COL13A1: variants seen among roughly 807,000 people sequenced by gnomAD.
The protein encoded by COL13A1 is collagen type XIII alpha 1 chain, also known as collagen alpha-1(XIII) chain.
A neutral mutation model predicts 130.9 loss-of-function variants in COL13A1; 89 were observed. The ratio of observed to expected loss-of-function variants is 0.68; its 90% CI spans 0.57 to 0.81. The LOEUF is 0.81. Ranked by LOEUF, COL13A1 falls within the 30% of genes least tolerant of loss-of-function variation. COL13A1 has a pLI of 0.00. For synonymous variants in COL13A1, 402 were observed against 341.6 expected (o/e 1.18, Z -1.95); for missense variants, 879 against 934.6 (o/e 0.94, Z 0.78).
intron 2 of COL13A1, among the ~76,000 whole-genome samples, chr10:69,839,193 C>T (rs1053587079): frequency 3.3e-5 from 5 of 152,162 alleles, no homozygotes; most frequent in Non-Finnish European, 5.9e-5. Context: ...TTCGTTCGTT[C>T]GTTCAACAAA....
chr10:69,888,274 AG>A, intron 8 of COL13A1, 29 bp from the exon 9 acceptor site: 1 of 1,612,018 alleles, frequency 6.2e-7, no homozygotes, highest in Non-Finnish European at 8.5e-7. Context: ...TGTGATGCTC[AG>A]TCTTTACATC....
chr10:69,915,670 CT>C (rs2063843330), intron 17 of COL13A1, among the ~76,000 whole-genome samples: 1 of 152,340 alleles, frequency 6.6e-6, no homozygotes, highest in Admixed American at 6.5e-5. Flanking sequence ...GGCAGAGCCC[CT>C]CTCTACTCAG....
chr10:69,843,364 G>C (rs1322334376), intron 2 of COL13A1, among the ~76,000 whole-genome samples: 3 of 152,196 alleles, frequency 2.0e-5, no homozygotes, highest in African/African-American at 7.2e-5. Flanking sequence ...TCACTTGTCA[G>C]CTGTGGCCTC....
chr10:69,927,016 C>G (rs1565088354), intron 26 of COL13A1, 71 bp from the exon 27 acceptor site: 1 of 1,605,280 alleles, frequency 6.2e-7, no homozygotes, highest in Non-Finnish European at 8.5e-7. Context: ...GTTTCCATGA[C>G]TGTGCAGTGA....
At chr10:69,894,531 G>A in intron 10 of COL13A1, 21 bp from the exon 11 acceptor site, 1 of 1,613,672 alleles carries the variant, frequency 6.2e-7, no homozygotes, top group Admixed American at 1.7e-5. Context: ...CCACTGACCT[G>A]TGTGTGTTTG....
intron 32 of COL13A1, among the ~76,000 whole-genome samples, chr10:69,935,994 A>G (rs2066784069): frequency 1.5e-5 from 2 of 134,696 alleles, no homozygotes. Flanking sequence ...CTGGGCAACC[A>G]GAGTGAGACC....
intron 1 of COL13A1, among the ~76,000 whole-genome samples, chr10:69,810,346 ATG>A (rs778597781): frequency 0.064 from 4,569 of 70,850 alleles, 99 homozygotes; most frequent in Non-Finnish European, 0.09. Flanking sequence ...GGCCCTGAGA[ATG>A]AGAGAGAGAG....
intron 13 of COL13A1, 110 bp downstream of exon 13, chr10:69,895,686 A>T (rs2061564221): frequency 1.6e-6 from 2 of 1,261,562 alleles, no homozygotes; most frequent in East Asian, 2.3e-5. Context: ...ATCATGGGGG[A>T]GCAGGAGCAC....
At chr10:69,910,504 C>G (rs1589452571) in intron 17 of COL13A1, among the ~76,000 whole-genome samples, 1 of 152,196 alleles carries the variant, frequency 6.6e-6, no homozygotes, top group East Asian at 1.9e-4. Flanking sequence ...CCACCCCCAG[C>G]AGCTGGACTG....
chr10:69,939,413 G>T (rs1393332625), intron 34 of COL13A1, among the ~76,000 whole-genome samples: 1 of 152,222 alleles, frequency 6.6e-6, no homozygotes, highest in African/African-American at 2.4e-5. Context: ...TAAAAAATAT[G>T]TCAGTGGCCC....
chr10:69,831,426 TG>T (rs1848796162), intron 2 of COL13A1, among the ~76,000 whole-genome samples: 1 of 152,158 alleles, frequency 6.6e-6, no homozygotes, highest in Admixed American at 6.5e-5. Context: ...CAGACACAGC[TG>T]GGGGCCCTTT....
intron 2 of COL13A1, among the ~76,000 whole-genome samples, chr10:69,828,792 C>T (rs528358717): frequency 2.6e-5 from 4 of 152,166 alleles, no homozygotes; most frequent in African/African-American, 7.2e-5. Flanking sequence ...GCAAAACCAC[C>T]CACTGGGACA....
intron 6 of COL13A1, among the ~76,000 whole-genome samples, chr10:69,878,326 G>A (rs1027925380): frequency 2.0e-5 from 3 of 152,184 alleles, no homozygotes; most frequent in African/African-American, 7.2e-5. Context: ...GACAGCATGA[G>A]GCCTCATCGC....
chr10:69,935,463 T>G, intron 32 of COL13A1, 72 bp downstream of exon 32: 1 of 1,139,546 alleles, frequency 8.8e-7, no homozygotes, highest in East Asian at 2.8e-5. Context: ...GGGCTCAACC[T>G]CAGCCTTAGT....
At chr10:69,915,553 TG>T (rs1393050627) in intron 17 of COL13A1, among the ~76,000 whole-genome samples, 6 of 152,252 alleles carry the variant, frequency 3.9e-5, no homozygotes, top group African/African-American at 1.4e-4. Context: ...AAGTGGTCCC[TG>T]TCGCATTGAG....
At chr10:69,923,894 G>A in intron 24 of COL13A1, 39 bp downstream of exon 24, 1 of 1,599,542 alleles carries the variant, frequency 6.3e-7, no homozygotes, top group Non-Finnish European at 8.5e-7. Context: ...CAAGATGAGG[G>A]TCAGCTTGGG....
chr10:69,853,543 G>A (rs890262374), intron 2 of COL13A1, among the ~76,000 whole-genome samples: 1 of 151,982 alleles, frequency 6.6e-6, no homozygotes, highest in African/African-American at 2.4e-5. Flanking sequence ...GAACCATAAC[G>A]ATGTTCACAC....
chr10:69,875,477 C>T (rs575142142), intron 5 of COL13A1, among the ~76,000 whole-genome samples: 3 of 152,168 alleles, frequency 2.0e-5, no homozygotes, highest in East Asian at 1.9e-4. Context: ...AACTGAGCCT[C>T]GACATTGGGA....
In COL13A1 at chr10:69,928,897, A is replaced by G. The variant is rs766851358; in HGVS notation, c.1423-40A>G. The G allele has an allele frequency of 8.4e-6, 13 of 1,539,294 alleles. No homozygotes were observed. In the East Asian group the frequency reaches 1.6e-4, roughly 19 times the overall value. On this transcript the variant is annotated intron_variant, in intron 27 of 40. Transcript: ENST00000645393. ...CTCAGGGCACAGGCTACCCTCCTCC[A>G]TGGGACAGTTCTTCCATGTGTCTTT...
Sources: gnomAD v4.1 joint callset for allele counts (sites outside exome capture counted in the v4.1 genomes callset) on GRCh38, gnomAD v4.1.1 for gene constraint, MANE v1.5 for transcripts, NCBI Gene and HGNC (gene_info 2026-07-23, HGNC 2026-07-21) for gene names.